Variants in SUGCT observed in about 807,000 individuals in gnomAD.
SUGCT encodes the protein succinyl-CoA:glutarate-CoA transferase, also known as succinyl-CoA:glutarate CoA-transferase.
SUGCT carries 41 observed loss-of-function variants against 55.0 expected under a neutral mutation model. That is an observed-to-expected ratio of 0.74 (90% CI 0.58 to 0.97). The LOEUF (loss-of-function observed/expected upper bound fraction) is 0.97. Ranked by LOEUF, SUGCT falls within the 50% of genes least tolerant of loss-of-function variation. The pLI, the probability that SUGCT is intolerant of heterozygous loss-of-function variation, is 0.00. For synonymous variants in SUGCT, 187 were observed against 200.4 expected (o/e 0.93, Z 0.56); for missense variants, 568 against 547.8 (o/e 1.04, Z -0.37).
chr7:40,313,236 C>T (rs771302863), intron 8 of SUGCT, among the ~76,000 whole-genome samples: 1 of 152,110 alleles, frequency 6.6e-6, no homozygotes, highest in African/African-American at 2.4e-5. Context: ...AATTATATAG[C>T]GTCCACTTGA....
chr7:40,580,299 A>G (rs1329641799), intron 12 of SUGCT, among the ~76,000 whole-genome samples: 1 of 152,194 alleles, frequency 6.6e-6, no homozygotes, highest in Non-Finnish European at 1.5e-5. Context: ...TCTCTTTCAT[A>G]TGAAATGATA....
At chr7:40,947,243 T>C in the SUGCT span, among the ~76,000 whole-genome samples, 1 of 152,312 alleles carries the variant, frequency 6.6e-6, no homozygotes, top group African/African-American at 2.4e-5. Context: ...TTCTAGTAAA[T>C]TTTCCATTTC....
chr7:40,315,790 A>T (rs915912975), intron 8 of SUGCT, among the ~76,000 whole-genome samples: 1 of 152,170 alleles, frequency 6.6e-6, no homozygotes, highest in Non-Finnish European at 1.5e-5. Context: ...AGCCGGTGCT[A>T]TATCATGATT....
chr7:40,615,214 A>G (rs2151779934), intron 12 of SUGCT, among the ~76,000 whole-genome samples: 1 of 152,320 alleles, frequency 6.6e-6, no homozygotes, highest in South Asian at 2.1e-4. Flanking sequence ...ATGAAAGATC[A>G]CCCAGGGAAC....
At chr7:40,296,700 G>C (rs1052233274) in intron 8 of SUGCT, among the ~76,000 whole-genome samples, 1 of 149,480 alleles carries the variant, frequency 6.7e-6, no homozygotes, top group Non-Finnish European at 1.5e-5. Context: ...TCTCCATTTG[G>C]TAACCTTCCT....
intron 11 of SUGCT, among the ~76,000 whole-genome samples, chr7:40,463,648 T>C (rs1027395663): frequency 6.6e-6 from 1 of 152,172 alleles, no homozygotes; most frequent in Non-Finnish European, 1.5e-5. Context: ...GGCAGCTGCC[T>C]GTTTTGGTCA....
chr7:40,595,209 C>T (rs973706327), intron 12 of SUGCT, among the ~76,000 whole-genome samples: 10 of 152,112 alleles, frequency 6.6e-5, no homozygotes, highest in African/African-American at 2.4e-4. Flanking sequence ...TGAAAATGCC[C>T]CCCACTTCCT....
chr7:40,533,821 T>C (rs1794217906), intron 12 of SUGCT, among the ~76,000 whole-genome samples: 1 of 152,202 alleles, frequency 6.6e-6, no homozygotes, highest in Non-Finnish European at 1.5e-5. Context: ...CAGCATGTTT[T>C]AAAAAGTTAC....
chr7:40,643,037 A>G (rs1800339258), intron 12 of SUGCT, among the ~76,000 whole-genome samples: 2 of 152,200 alleles, frequency 1.3e-5, no homozygotes, highest in Admixed American at 6.5e-5. Flanking sequence ...CTTTTCCTCC[A>G]GTTAAACCAT....
intron 13 of SUGCT, among the ~76,000 whole-genome samples, chr7:40,776,639 C>G (rs920189315): frequency 2.0e-5 from 3 of 152,212 alleles, no homozygotes; most frequent in Admixed American, 1.3e-4. Context: ...ACACCTCTAT[C>G]TCAAAGAGAT....
intron 1 of SUGCT, among the ~76,000 whole-genome samples, chr7:40,139,261 G>T (rs1470289496): frequency 6.6e-6 from 1 of 152,122 alleles, no homozygotes; most frequent in Non-Finnish European, 1.5e-5. Flanking sequence ...TCGATGGCAA[G>T]ATCTCAGCTC....
At chr7:40,202,882 A>G (rs972292884) in intron 6 of SUGCT, among the ~76,000 whole-genome samples, 1 of 152,162 alleles carries the variant, frequency 6.6e-6, no homozygotes, top group African/African-American at 2.4e-5. Flanking sequence ...GCCCATGGGG[A>G]AAAATCCTCC....
intron 9 of SUGCT, among the ~76,000 whole-genome samples, chr7:40,349,096 G>T (rs10261478): frequency 6.6e-6 from 1 of 151,910 alleles, no homozygotes; most frequent in African/African-American, 2.4e-5. Flanking sequence ...GAGTTCTCAC[G>T]TATATTGGCT....
At chr7:40,882,456 G>A in the SUGCT span, among the ~76,000 whole-genome samples, 1 of 152,140 alleles carries the variant, frequency 6.6e-6, no homozygotes, top group Non-Finnish European at 1.5e-5. Flanking sequence ...AATGGTCCCT[G>A]TAGAATGTAT....
At chr7:40,849,271 G>A (rs1584532266) in intron 13 of SUGCT, among the ~76,000 whole-genome samples, 2 of 152,214 alleles carry the variant, frequency 1.3e-5, no homozygotes, top group Admixed American at 6.5e-5. Flanking sequence ...CACACATTTA[G>A]GGTATTTTCC....
At chr7:40,951,620 T>C in the SUGCT span, among the ~76,000 whole-genome samples, 7 of 152,242 alleles carry the variant, frequency 4.6e-5, no homozygotes, top group African/African-American at 1.7e-4. Flanking sequence ...TACACACTTC[T>C]TTAAATGTGT....
At chr7:40,366,778 A>T (rs1783998468) in intron 9 of SUGCT, among the ~76,000 whole-genome samples, 1 of 152,026 alleles carries the variant, frequency 6.6e-6, no homozygotes, top group Non-Finnish European at 1.5e-5. Context: ...GGTGCTGGAG[A>T]GGATGTGGAG....
intron 9 of SUGCT, among the ~76,000 whole-genome samples, chr7:40,391,552 A>G (rs969616870): frequency 3.3e-5 from 5 of 152,068 alleles, no homozygotes; most frequent in African/African-American, 9.7e-5. Context: ...ATCACTGGTC[A>G]TCAGAGAAAT....
chr7:40,285,229 T>C (rs1487880280), intron 8 of SUGCT, among the ~76,000 whole-genome samples: 1 of 152,116 alleles, frequency 6.6e-6, no homozygotes, highest in Non-Finnish European at 1.5e-5. Context: ...GAAATAGAAA[T>C]GGAAAGATCT....
Sources: gnomAD v4.1 joint callset for allele counts (sites outside exome capture counted in the v4.1 genomes callset) on GRCh38, gnomAD v4.1.1 for gene constraint, MANE v1.5 for transcripts, NCBI Gene and HGNC (gene_info 2026-07-23, HGNC 2026-07-21) for gene names.